PCDH15: variants seen among roughly 807,000 people sequenced by gnomAD.
The protein encoded by PCDH15 is protocadherin related 15.
Under a neutral mutation model 178.5 loss-of-function variants are expected in PCDH15, and 129 were observed. That is an observed-to-expected ratio of 0.72 (90% CI 0.63 to 0.84). The LOEUF is 0.84. Among genes scored for constraint, PCDH15 ranks in the 40% least tolerant of loss-of-function variants. PCDH15 has a pLI of 0.00. For synonymous variants in PCDH15, 800 were observed against 732.0 expected, an observed-to-expected ratio of 1.09 and a Z score of -1.50; for missense variants, 2,230 against 2,099.9, an observed-to-expected ratio of 1.06 and a Z score of -1.21.
chr10:55,524,499 T>C (rs1841259826), intron 2 of PCDH15, among the ~76,000 whole-genome samples: 1 of 151,672 alleles, frequency 6.6e-6, no homozygotes, highest in African/African-American at 2.4e-5. Context: ...AATGATATTT[T>C]GGATATTTGA....
chr10:54,521,362 G>A (rs2082843341), intron 3 of PCDH15, among the ~76,000 whole-genome samples: 1 of 152,082 alleles, frequency 6.6e-6, no homozygotes, highest in Non-Finnish European at 1.5e-5. Context: ...CTGATGGGAT[G>A]CTATTTGCTA....
At position 54,195,682 on chromosome 10, in the gene PCDH15, C is replaced by T. The variant is rs758947077; in HGVS notation, c.1305+1G>A. 6.2e-7 allele frequency: 1 copy of T among 1,610,548 alleles called. No homozygotes were observed. The highest frequency in any genetic ancestry group is 1.1e-5 in the South Asian group (1 of 90,988). On this transcript the variant is annotated splice_donor_variant, in intron 11 of 37. Coordinates refer to ENST00000644397, the MANE Select transcript of PCDH15 (RefSeq NM_001384140.1). LOFTEE classifies it high-confidence loss of function. ...AAGAGCAAAATATGTATTTAACTTACATCTTCTATGTCCTTGTCCAGAGCT... is the reference window on the plus strand; with the variant it reads ...AAGAGCAAAATATGTATTTAACTTATATCTTCTATGTCCTTGTCCAGAGCT...
At chr10:54,762,937 C>A (rs1948071667) in intron 1 of PCDH15, among the ~76,000 whole-genome samples, 1 of 151,988 alleles carries the variant, frequency 6.6e-6, no homozygotes, top group African/African-American at 2.4e-5. Context: ...TTGAAATAAT[C>A]TTTTTATTCT....
intron 20 of PCDH15, among the ~76,000 whole-genome samples, chr10:54,009,621 G>A (rs1453330527): frequency 6.6e-6 from 1 of 152,190 alleles, no homozygotes; most frequent in Non-Finnish European, 1.5e-5. Context: ...GAGACACACT[G>A]GAATTCATCA....
intron 13 of PCDH15, among the ~76,000 whole-genome samples, chr10:54,182,989 G>GTT (rs11456326): frequency 1.9e-4 from 28 of 150,026 alleles, no homozygotes; most frequent in African/African-American, 2.7e-4. Flanking sequence ...TTTTGTTTTT[G>GTT]TTTTTTTTTG....
intron 2 of PCDH15, among the ~76,000 whole-genome samples, chr10:55,164,613 C>T (rs1839150469): frequency 6.6e-6 from 1 of 151,994 alleles, no homozygotes; most frequent in Non-Finnish European, 1.5e-5. Flanking sequence ...AATTCATGCT[C>T]TTGTTGATTT....
chr10:54,435,432 T>C lies in PCDH15; in HGVS notation c.158-56490A>G, dbSNP rs201668895. ...ACATGCTGGGGCCTTCTCAATATTGTGATTAACCATGAGCATGATGTATTT... is the reference window on the plus strand; with the variant it reads ...ACATGCTGGGGCCTTCTCAATATTGCGATTAACCATGAGCATGATGTATTT... On this transcript the variant is annotated intron_variant, in intron 3 of 37. Coordinates refer to ENST00000644397, the MANE Select transcript of PCDH15 (RefSeq NM_001384140.1). Among the ~76,000 whole-genome samples, 7 of 152,294 alleles carry C rather than the reference T, an allele frequency of 4.6e-5. No homozygotes were observed. In the South Asian group the frequency reaches 8.3e-4, roughly 18 times the overall value.
chr10:54,630,338 T>C (rs1301926752), intron 2 of PCDH15, among the ~76,000 whole-genome samples: 1 of 152,118 alleles, frequency 6.6e-6, no homozygotes, highest in Non-Finnish European at 1.5e-5. Context: ...TGAAACAGAA[T>C]AGAAAACAGA....
At chr10:53,907,526 T>G (rs1785006294) in intron 25 of PCDH15, among the ~76,000 whole-genome samples, 1 of 152,176 alleles carries the variant, frequency 6.6e-6, no homozygotes. Context: ...GGAAAGTGTT[T>G]TGGTTAAGAG....
chr10:55,305,209 A>G (rs1044301748), intron 1 of PCDH15, among the ~76,000 whole-genome samples: 2 of 152,246 alleles, frequency 1.3e-5, no homozygotes, highest in South Asian at 4.1e-4. Flanking sequence ...TAACAGAACA[A>G]GGAGTCAAAA....
At chr10:55,252,859 A>G (rs1164130961) in intron 1 of PCDH15, among the ~76,000 whole-genome samples, 1 of 152,108 alleles carries the variant, frequency 6.6e-6, no homozygotes, top group Non-Finnish European at 1.5e-5. Context: ...CACTAAAGAA[A>G]CCTGTAAAAT....
At chr10:55,074,601 A>T in intron 2 of PCDH15, among the ~76,000 whole-genome samples, 1 of 152,048 alleles carries the variant, frequency 6.6e-6, no homozygotes, top group Non-Finnish European at 1.5e-5. Flanking sequence ...AGTTTCTTGT[A>T]GATTCTGGAT....
At chr10:55,345,130 T>C (rs1417222247) in intron 2 of PCDH15, among the ~76,000 whole-genome samples, 1 of 149,864 alleles carries the variant, frequency 6.7e-6, no homozygotes, top group Non-Finnish European at 1.5e-5. Flanking sequence ...GTCCTAAAAG[T>C]GTGTGTGTGT....
chr10:54,442,417 TATATATATATATATATATATATA>T lies in PCDH15; in HGVS notation c.158-63498_158-63476del, dbSNP rs2075860286. ...AAAAAAAAAAAGGCCTTAAAGGCTA[TATATATATATATATATATATATA>T]TATATATATATATATATATACAGTC... On this transcript the variant is annotated intron_variant, in intron 3 of 37. Coordinates refer to ENST00000644397, the MANE Select transcript of PCDH15 (RefSeq NM_001384140.1). Among the ~76,000 whole-genome samples the T allele has an allele frequency of 1.5e-4, 9 of 60,728 alleles. 1 individual carries two copies. Among genetic ancestry groups the T allele is most frequent in the African/African-American group, 5.5e-4 (9 of 16,340 alleles). 39.8% of individuals were successfully genotyped at this position (60,728 alleles called of 152,430 possible).
At chr10:53,974,909 T>C (rs2090062997) in intron 21 of PCDH15, among the ~76,000 whole-genome samples, 1 of 152,026 alleles carries the variant, frequency 6.6e-6, no homozygotes, top group East Asian at 1.9e-4. Flanking sequence ...CAATATGTAG[T>C]TTTTCAGCTC....
At chr10:54,186,600 G>T (rs1052140599) in intron 11 of PCDH15, among the ~76,000 whole-genome samples, 1 of 151,794 alleles carries the variant, frequency 6.6e-6, no homozygotes, top group Non-Finnish European at 1.5e-5. Flanking sequence ...TTGACTTAAG[G>T]TCACTGTGCT....
chr10:54,471,409 C>A (rs917789543), intron 3 of PCDH15, among the ~76,000 whole-genome samples: 5 of 151,984 alleles, frequency 3.3e-5, no homozygotes, highest in African/African-American at 1.2e-4. Flanking sequence ...CTATCCAAAC[C>A]TAAATAAACA....
intron 2 of PCDH15, among the ~76,000 whole-genome samples, chr10:55,416,534 G>A (rs2132040290): frequency 6.6e-6 from 1 of 151,852 alleles, no homozygotes; most frequent in Admixed American, 6.6e-5. Flanking sequence ...AGAAAATGGG[G>A]TTCAGGGCTA....
chr10:54,165,962 A>T (rs1423901026), intron 13 of PCDH15, among the ~76,000 whole-genome samples: 4 of 132,562 alleles, frequency 3.0e-5, no homozygotes, highest in Non-Finnish European at 6.0e-5. Context: ...ACAGAAACAT[A>T]AAAATACTTT....
Sources: gnomAD v4.1 joint callset for allele counts (sites outside exome capture counted in the v4.1 genomes callset) on GRCh38, gnomAD v4.1.1 for gene constraint, MANE v1.5 for transcripts, NCBI Gene and HGNC (gene_info 2026-07-23, HGNC 2026-07-21) for gene names.